The following SLIT3 variants were observed in gnomAD, a reference collection of about 807,000 sequenced individuals.
SLIT3 encodes slit homolog 3 protein.
Under a neutral mutation model 184.0 loss-of-function variants are expected in SLIT3, and 68 were observed. The ratio of observed to expected loss-of-function variants is 0.37; its 90% CI spans 0.30 to 0.45. The LOEUF is 0.45. SLIT3 is among the 20% of genes least tolerant of loss of function. SLIT3 has a pLI of 1.00. For missense variants in SLIT3, 1,707 were observed against 2,026.0 expected (o/e 0.84, Z 3.02); for synonymous variants, 831 against 828.6 (o/e 1.00, Z -0.05).
intron 4 of SLIT3, among the ~76,000 whole-genome samples, chr5:169,090,611 C>T (rs1759542191): frequency 6.6e-6 from 1 of 152,166 alleles, no homozygotes; most frequent in East Asian, 1.9e-4. Flanking sequence ...TGAATATTAC[C>T]TTATATGACA....
intron 2 of SLIT3, among the ~76,000 whole-genome samples, chr5:169,246,948 A>T (rs930042003): frequency 4.8e-5 from 6 of 124,746 alleles, no homozygotes; most frequent in Non-Finnish European, 6.6e-5. Context: ...AAAAAAAAAA[A>T]GGCTGGGCAC....
At chr5:169,018,154 C>T (rs1004624443) in intron 4 of SLIT3, among the ~76,000 whole-genome samples, 55 of 152,196 alleles carry the variant, frequency 3.6e-4, no homozygotes, top group African/African-American at 1.3e-3. Flanking sequence ...CAGGCCCCAC[C>T]CCAGAAAACT....
chr5:169,110,713 A>G (rs761828219), intron 4 of SLIT3, among the ~76,000 whole-genome samples: 8 of 152,154 alleles, frequency 5.3e-5, no homozygotes, highest in Non-Finnish European at 1.2e-4. Flanking sequence ...GACACAATTC[A>G]ATGCATAACA....
At chr5:168,825,260 A>T (rs1038679511) in intron 6 of SLIT3, among the ~76,000 whole-genome samples, 7 of 152,118 alleles carry the variant, frequency 4.6e-5, no homozygotes, top group African/African-American at 1.7e-4. Context: ...AGGTTTACTC[A>T]GCATACAGTG....
At chr5:168,723,890 G>A (rs1328417130) in intron 21 of SLIT3, among the ~76,000 whole-genome samples, 1 of 152,162 alleles carries the variant, frequency 6.6e-6, no homozygotes, top group African/African-American at 2.4e-5. Context: ...CCTCTAATCA[G>A]CTGATGGTGA....
chr5:169,262,574 C>T (rs191605428), intron 1 of SLIT3, among the ~76,000 whole-genome samples: 25 of 152,168 alleles, frequency 1.6e-4, no homozygotes, highest in African/African-American at 5.8e-4. Context: ...GGGACTGGAA[C>T]CATAAAAGGG....
chr5:168,881,557 T>C (rs1464697666), intron 5 of SLIT3, among the ~76,000 whole-genome samples: 1 of 152,220 alleles, frequency 6.6e-6, no homozygotes, highest in Non-Finnish European at 1.5e-5. Context: ...AGAAAGCTGG[T>C]TGACCCTGAG....
intron 4 of SLIT3, among the ~76,000 whole-genome samples, chr5:169,168,457 T>C (rs1427975023): frequency 6.6e-6 from 1 of 152,202 alleles, no homozygotes; most frequent in Non-Finnish European, 1.5e-5. Context: ...TGCACTCCAC[T>C]AGTCAGATGA....
At chr5:169,092,982 G>A (rs1581402541) in intron 4 of SLIT3, among the ~76,000 whole-genome samples, 1 of 152,192 alleles carries the variant, frequency 6.6e-6, no homozygotes, top group East Asian at 1.9e-4. Context: ...AGCTTGCTGT[G>A]TTTTATCCAG....
In SLIT3 at chr5:169,187,869, T is replaced by TAA. The variant is rs34656361; in HGVS notation, c.413+5608_413+5609dup. Reference sequence around the variant, plus strand: ...GCTCCCAGCTGCAACGATAAATTCTTAAAAAAAAAAAAAAGTTGTGAACCC... The same window carrying TAA: ...GCTCCCAGCTGCAACGATAAATTCTTAAAAAAAAAAAAAAAAGTTGTGAACCC... On this transcript the variant is annotated intron_variant, in intron 4 of 35. Coordinates refer to ENST00000519560, the MANE Select transcript of SLIT3 (RefSeq NM_003062.4). Among the ~76,000 whole-genome samples, 299 of 146,622 alleles carry TAA rather than the reference T, an allele frequency of 2.0e-3. 1 individual carries two copies. Among genetic ancestry groups the TAA allele is most frequent in the African/African-American group, 4.6e-3 (182 of 39,860 alleles).
At chr5:169,289,227 C>G (rs911077112) in intron 1 of SLIT3, among the ~76,000 whole-genome samples, 2 of 152,184 alleles carry the variant, frequency 1.3e-5, no homozygotes, top group African/African-American at 4.8e-5. Flanking sequence ...AAATTGTACT[C>G]CCCCTTGGCT....
intron 4 of SLIT3, among the ~76,000 whole-genome samples, chr5:169,099,458 C>T (rs1015877494): frequency 6.6e-5 from 10 of 152,270 alleles, no homozygotes; most frequent in Non-Finnish European, 8.8e-5. Context: ...ACTGGGGATG[C>T]AAAAAGAATC....
At chr5:168,966,237 G>T (rs148078725) in intron 4 of SLIT3, among the ~76,000 whole-genome samples, 1 of 152,242 alleles carries the variant, frequency 6.6e-6, no homozygotes, top group South Asian at 2.1e-4. Flanking sequence ...GATCTTATCT[G>T]TGCCATGTAT....
intron 20 of SLIT3, among the ~76,000 whole-genome samples, chr5:168,725,839 G>A (rs1048755802): frequency 2.6e-5 from 4 of 152,232 alleles, no homozygotes; most frequent in African/African-American, 9.6e-5. Context: ...ATAGAAATGG[G>A]TTAAAACAGA....
At chr5:168,698,998 C>A (rs1011574199) in intron 27 of SLIT3, among the ~76,000 whole-genome samples, 3 of 152,152 alleles carry the variant, frequency 2.0e-5, no homozygotes, top group Non-Finnish European at 2.9e-5. Flanking sequence ...CTCATCTGAC[C>A]CCCCCAATCC....
rs138987299 is a variant in SLIT3, at chr5:169,240,306, C to A, written c.341+4399G>T. ...TTCTATATTTTTACCAAGAATTGTA[C>A]CTCCTTGTTCTATTAATTACCAAAA... is the stretch of plus-strand genomic sequence containing the variant. On this transcript the variant is annotated intron_variant, in intron 3 of 35. Transcript: ENST00000519560. Among the ~76,000 whole-genome samples the A allele has an allele frequency of 9.2e-4, 140 of 151,666 alleles. 2 individuals are homozygous for A. The East Asian group carries it at 0.026, about 28-fold the overall frequency.
intron 31 of SLIT3, among the ~76,000 whole-genome samples, chr5:168,684,659 G>A (rs1042922503): frequency 1.3e-5 from 2 of 151,884 alleles, no homozygotes; most frequent in Admixed American, 6.6e-5. Context: ...TAGTAGAGAC[G>A]GGATTTCACC....
intron 4 of SLIT3, among the ~76,000 whole-genome samples, chr5:168,909,329 A>G (rs1056833697): frequency 6.6e-6 from 1 of 152,216 alleles, no homozygotes; most frequent in Non-Finnish European, 1.5e-5. Context: ...TAATCAGGAA[A>G]TTCACACAAA....
chr5:168,760,446 T>C (rs1371094933), intron 16 of SLIT3, among the ~76,000 whole-genome samples: 1 of 151,986 alleles, frequency 6.6e-6, no homozygotes, highest in Non-Finnish European at 1.5e-5. Context: ...GATGCAGGGG[T>C]CTTTTGATTC....
Sources: allele counts gnomAD v4.1 joint callset (sites outside exome capture counted in the v4.1 genomes callset), GRCh38; gene constraint gnomAD v4.1.1; transcripts MANE v1.5; gene names NCBI Gene and HGNC (gene_info 2026-07-23, HGNC 2026-07-21).